PTPRT: variants seen among roughly 807,000 people sequenced by gnomAD.
The protein encoded by PTPRT is protein tyrosine phosphatase receptor type T, also known as receptor-type tyrosine-protein phosphatase T.
PTPRT carries 56 observed loss-of-function variants against 176.8 expected under a neutral mutation model. The observed-to-expected ratio is 0.32, with a 90% CI of 0.26 to 0.40. The LOEUF is 0.40. PTPRT is among the 10% of genes least tolerant of loss of function. The pLI, the probability that PTPRT is intolerant of heterozygous loss-of-function variation, is 1.00. For synonymous variants in PTPRT, 783 were observed against 739.0 expected, an observed-to-expected ratio of 1.06 and a Z score of -0.96; for missense variants, 1,540 against 1,908.2, an observed-to-expected ratio of 0.81 and a Z score of 3.60.
At position 43,015,038 on chromosome 20, in the gene PTPRT, T is replaced by C. The variant is rs541108239; in HGVS notation, c.89-129106A>G. 7.9e-5 allele frequency among the ~76,000 whole-genome samples: 12 copies of C among 152,336 alleles called. No homozygotes were observed. In the South Asian group the frequency reaches 1.9e-3, roughly 24 times the overall value. On this transcript the variant is annotated intron_variant, in intron 1 of 30. Transcript: ENST00000373187. ...CAATAACCGTTCTCCACTGTGACCA[T>C]AGAATCCTTCTCTTTTATGCCCTGT...
chr20:42,208,590 C>G (rs2055534557), intron 15 of PTPRT, among the ~76,000 whole-genome samples: 1 of 151,864 alleles, frequency 6.6e-6, no homozygotes, highest in African/African-American at 2.4e-5. Flanking sequence ...ACAAGAAGAG[C>G]TAACTATCCT....
chr20:42,365,882 C>A (rs2058507198), intron 9 of PTPRT, among the ~76,000 whole-genome samples: 1 of 152,202 alleles, frequency 6.6e-6, no homozygotes, highest in Non-Finnish European at 1.5e-5. Context: ...TGTGGGAAAG[C>A]ATCCAGTGGT....
chr20:42,577,836 G>A (rs866666872), intron 7 of PTPRT, among the ~76,000 whole-genome samples: 4 of 118,874 alleles, frequency 3.4e-5, no homozygotes, highest in Middle Eastern at 4.5e-3. Context: ...CCTGAGCAAG[G>A]CTGTGTGTGT....
intron 6 of PTPRT, among the ~76,000 whole-genome samples, chr20:42,733,174 G>A (rs976187883): frequency 1.3e-5 from 2 of 152,178 alleles, no homozygotes; most frequent in African/African-American, 2.4e-5. Flanking sequence ...CCCTGCAGAT[G>A]ACGTGTACAT....
chr20:43,111,707 G>A (rs895692130), intron 1 of PTPRT, among the ~76,000 whole-genome samples: 3 of 152,162 alleles, frequency 2.0e-5, no homozygotes, highest in Non-Finnish European at 4.4e-5. Flanking sequence ...CAGAGGCAGA[G>A]AGCTGGAGTC....
At chr20:43,181,126 G>A (rs760190355) in intron 1 of PTPRT, among the ~76,000 whole-genome samples, 2 of 152,114 alleles carry the variant, frequency 1.3e-5, no homozygotes, top group Admixed American at 6.5e-5. Flanking sequence ...CATGAGAGAC[G>A]GAGGTCCTCA....
chr20:42,654,440 A>G (rs1292974746), intron 7 of PTPRT, among the ~76,000 whole-genome samples: 1 of 152,170 alleles, frequency 6.6e-6, no homozygotes, highest in East Asian at 1.9e-4. Flanking sequence ...CTGGCCACAA[A>G]TGAGAACATC....
chr20:43,188,752 G>GC lies in PTPRT; in HGVS notation c.88+893_88+894insG, dbSNP rs892928752. The stretch of plus-strand genomic sequence containing the variant: ...CTCTTCCCTCCGCCGCTACTCTTGG[G>GC]GGGGGGGGGGCTCGGGGGTGGAAGC... On this transcript the variant is annotated intron_variant, in intron 1 of 30. Transcript: ENST00000373187. Among the ~76,000 whole-genome samples the GC allele has an allele frequency of 8.8e-5, 12 of 135,940 alleles. 1 individual carries two copies. The South Asian group carries it at 1.1e-3, about 12-fold the overall frequency. 89.2% of individuals were successfully genotyped at this position (135,940 alleles called of 152,430 possible).
chr20:42,080,735 G>T lies in PTPRT; in HGVS notation c.*144C>A, dbSNP rs540313705. The T allele has an allele frequency of 7.4e-4, 549 of 744,642 alleles. 8 individuals are homozygous for T. The South Asian group carries it at 9.0e-3, about 12-fold the overall frequency. 46.1% of individuals were successfully genotyped at this position (744,642 alleles called of 1,614,324 possible). A position where few individuals can be genotyped will look rare whatever the true frequency, so the allele number is the denominator to read the frequency against. ...CCCCTCAGAAGGTGCAGAGCCCCCC[G>T]TGGAACACAGGGCCACCAGTCTTCT... On this transcript the variant is annotated 3_prime_UTR_variant, in exon 31 of 31. Coordinates refer to ENST00000373187, the MANE Select transcript of PTPRT (RefSeq NM_007050.6).
chr20:42,800,714 G>A (rs1158216596), intron 2 of PTPRT, among the ~76,000 whole-genome samples: 3 of 152,050 alleles, frequency 2.0e-5, no homozygotes. Flanking sequence ...TTATTACCTC[G>A]TATATTTGCA....
At chr20:42,677,206 G>A (rs763971489) in intron 7 of PTPRT, among the ~76,000 whole-genome samples, 5 of 152,172 alleles carry the variant, frequency 3.3e-5, no homozygotes, top group East Asian at 1.9e-4. Context: ...GAAGCCCCTC[G>A]GAGACAATTC....
At chr20:42,296,327 T>C (rs2057385944) in intron 12 of PTPRT, among the ~76,000 whole-genome samples, 1 of 151,704 alleles carries the variant, frequency 6.6e-6, no homozygotes, top group African/African-American at 2.4e-5. Context: ...GTGCCTGTAA[T>C]CCCAGCTACT....
At chr20:43,015,644 C>T (rs1224325671) in intron 1 of PTPRT, among the ~76,000 whole-genome samples, 5 of 152,124 alleles carry the variant, frequency 3.3e-5, no homozygotes, top group African/African-American at 9.7e-5. Context: ...GCAGGCCTCC[C>T]GCACTAAATA....
At chr20:43,173,844 C>A (rs2015063451) in intron 1 of PTPRT, among the ~76,000 whole-genome samples, 1 of 152,226 alleles carries the variant, frequency 6.6e-6, no homozygotes, top group Non-Finnish European at 1.5e-5. Flanking sequence ...GACAGTCTCT[C>A]TCTCCTGTAC....
chr20:42,743,729 G>A (rs2076647328), intron 6 of PTPRT, among the ~76,000 whole-genome samples: 1 of 152,192 alleles, frequency 6.6e-6, no homozygotes, highest in South Asian at 2.1e-4. Context: ...AGGGGCATGG[G>A]TGAAGTTTAA....
intron 9 of PTPRT, among the ~76,000 whole-genome samples, chr20:42,429,500 T>G (rs1398439878): frequency 6.6e-6 from 1 of 152,046 alleles, no homozygotes; most frequent in African/African-American, 2.4e-5. Flanking sequence ...GTCTCCTCCC[T>G]CTCTCCTCAT....
intron 30 of PTPRT, 104 bp from the exon 31 acceptor site, chr20:42,081,036 A>G: frequency 3.0e-6 from 3 of 1,000,720 alleles, no homozygotes; most frequent in South Asian, 2.9e-5. Context: ...GATTTTGGAG[A>G]AAACTTTTTC....
chr20:42,986,462 C>G (rs1983585645), intron 1 of PTPRT, among the ~76,000 whole-genome samples: 1 of 152,190 alleles, frequency 6.6e-6, no homozygotes, highest in African/African-American at 2.4e-5. Context: ...TCACCCACTC[C>G]CCTCTGCAGC....
intron 2 of PTPRT, among the ~76,000 whole-genome samples, chr20:42,825,708 C>T (rs958273383): frequency 1.3e-5 from 2 of 152,058 alleles, no homozygotes; most frequent in African/African-American, 4.8e-5. Flanking sequence ...AAGACATAAA[C>T]AAACCCATAT....
Sources: gnomAD v4.1 joint callset for allele counts (sites outside exome capture counted in the v4.1 genomes callset) on GRCh38, gnomAD v4.1.1 for gene constraint, MANE v1.5 for transcripts, NCBI Gene and HGNC (gene_info 2026-07-23, HGNC 2026-07-21) for gene names.